The following NLN variants were observed in gnomAD, a reference collection of about 807,000 sequenced individuals.
The protein encoded by NLN is neurolysin, mitochondrial.
A neutral mutation model predicts 79.9 loss-of-function variants in NLN; 64 were observed. The observed-to-expected ratio is 0.80, with a 90% CI of 0.65 to 0.99. NLN has a LOEUF of 0.99. Among genes scored for constraint, NLN ranks in the 50% least tolerant of loss-of-function variants. The probability of loss-of-function intolerance (pLI) is 0.00; values close to 1 mark genes in which losing one functional copy is unlikely to be tolerated. For synonymous variants in NLN, 267 were observed against 296.6 expected (o/e 0.90, Z 1.02); for missense variants, 835 against 858.7 (o/e 0.97, Z 0.34).
At chr5:65,751,845 A>G (rs1360789284) in intron 1 of NLN, among the ~76,000 whole-genome samples, 1 of 152,158 alleles carries the variant, frequency 6.6e-6, no homozygotes, top group Non-Finnish European at 1.5e-5. Flanking sequence ...TATTATTATG[A>G]TGATGATGAT....
intron 1 of NLN, among the ~76,000 whole-genome samples, chr5:65,729,208 G>A (rs1242331346): frequency 2.0e-5 from 3 of 152,042 alleles, no homozygotes; most frequent in African/African-American, 7.2e-5. Flanking sequence ...ATAAAATTGA[G>A]ATTATTCCTC....
intron 12 of NLN, among the ~76,000 whole-genome samples, chr5:65,813,088 T>C (rs1295906595): frequency 6.6e-6 from 1 of 152,216 alleles, no homozygotes; most frequent in East Asian, 1.9e-4. Flanking sequence ...AAAATCAGGC[T>C]CTCTGTACTG....
rs1758662291 is a variant in NLN at position 65,733,643 on chromosome 5, T to C, written c.41+11229T>C. 5.4e-6 allele frequency: 8 copies of C among 1,481,428 alleles called. No individual in the cohort carries two copies. The Admixed American group carries it at 1.4e-4, about 26-fold the overall frequency. 91.8% of individuals were successfully genotyped at this position (1,481,428 alleles called of 1,614,324 possible). ...GGCCATCTGAGAAAGTGGACCTCCA[T>C]CTTTGCTCTTAGGGAAGGCCTGATT... is the stretch of plus-strand genomic sequence containing the variant. On this transcript the variant is annotated intron_variant, in intron 1 of 12. Transcript: ENST00000380985.
chr5:65,739,966 T>G (rs1402853824), intron 1 of NLN, among the ~76,000 whole-genome samples: 5 of 152,198 alleles, frequency 3.3e-5, no homozygotes, highest in Admixed American at 2.6e-4. Flanking sequence ...TTCATTCTGT[T>G]TATTGTTTCC....
intron 4 of NLN, 26 bp downstream of exon 4, chr5:65,777,560 C>T (rs1055330018): frequency 7.5e-6 from 10 of 1,337,158 alleles, no homozygotes; most frequent in Non-Finnish European, 1.1e-5. Flanking sequence ...CTTTTCTTAT[C>T]AGAAAAAAAA....
At chr5:65,737,182 C>T (rs1283305057) in intron 1 of NLN, among the ~76,000 whole-genome samples, 1 of 152,150 alleles carries the variant, frequency 6.6e-6, no homozygotes, top group East Asian at 1.9e-4. Flanking sequence ...AGCCACTGAG[C>T]TAAACTCTAA....
intron 6 of NLN, among the ~76,000 whole-genome samples, chr5:65,784,539 A>G (rs1020603466): frequency 6.6e-6 from 1 of 152,184 alleles, no homozygotes; most frequent in Admixed American, 6.5e-5. Context: ...ATATCCTCAC[A>G]TGGCAGAAGG....
At chr5:65,739,246 A>G (rs1758821054) in intron 1 of NLN, among the ~76,000 whole-genome samples, 3 of 151,642 alleles carry the variant, frequency 2.0e-5, no homozygotes, top group South Asian at 4.2e-4. Context: ...ACTTTTTTAC[A>G]TTCCACATAT....
chr5:65,796,217 C>T (rs1458910025), intron 9 of NLN, among the ~76,000 whole-genome samples: 4 of 152,072 alleles, frequency 2.6e-5, no homozygotes, highest in South Asian at 2.1e-4. Flanking sequence ...TTTCAGTGCT[C>T]TTGATGCATG....
intron 3 of NLN, among the ~76,000 whole-genome samples, chr5:65,772,386 A>G (rs1257982208): frequency 6.6e-6 from 1 of 152,222 alleles, no homozygotes; most frequent in Non-Finnish European, 1.5e-5. Flanking sequence ...ATGTATCTTC[A>G]TGCAGTGTGA....
At chr5:65,744,534 T>TA (rs944195728) in intron 1 of NLN, among the ~76,000 whole-genome samples, 5 of 151,508 alleles carry the variant, frequency 3.3e-5, no homozygotes, top group African/African-American at 1.2e-4. Context: ...TAGATGATAG[T>TA]AACAAGTCAA....
At chr5:65,790,133 G>A (rs1760023107) in intron 8 of NLN, among the ~76,000 whole-genome samples, 1 of 152,100 alleles carries the variant, frequency 6.6e-6, no homozygotes, top group Non-Finnish European at 1.5e-5. Flanking sequence ...TTCTCCCCAG[G>A]CTACTTTCTA....
intron 3 of NLN, among the ~76,000 whole-genome samples, chr5:65,776,631 CA>C (rs527808203): frequency 4.9e-4 from 74 of 152,326 alleles, no homozygotes; most frequent in African/African-American, 1.4e-3. Context: ...ACTAACTACC[CA>C]GCCATCCAGA....
At chr5:65,821,130 G>A (rs1760788110) in intron 12 of NLN, among the ~76,000 whole-genome samples, 1 of 152,018 alleles carries the variant, frequency 6.6e-6, no homozygotes, top group Non-Finnish European at 1.5e-5. Context: ...AGGGAAGGGA[G>A]CTAATTGAAT....
rs144062672 is a variant in NLN at position 65,791,421 on chromosome 5, G to C, written c.1326-1033G>C. Among the ~76,000 whole-genome samples the C allele has an allele frequency of 4.7e-3, 712 of 152,248 alleles. 9 individuals are homozygous for C. The highest frequency in any genetic ancestry group is 0.016 in the African/African-American group (674 of 41,520). ...AAAAATACAAAAATTAGCTGGGTGT[G>C]GTGGCAGGCACTTGTAGTCCCAGCT... On this transcript the variant is annotated intron_variant, in intron 8 of 12. Transcript: ENST00000380985.
chr5:65,795,485 G>A (rs923286089), intron 9 of NLN, among the ~76,000 whole-genome samples: 1 of 152,140 alleles, frequency 6.6e-6, no homozygotes, highest in African/African-American at 2.4e-5. Flanking sequence ...GCAGGAGTTC[G>A]AGACTAGCCT....
intron 3 of NLN, among the ~76,000 whole-genome samples, chr5:65,764,162 C>T (rs995885877): frequency 9.9e-5 from 15 of 152,014 alleles, no homozygotes; most frequent in Non-Finnish European, 1.9e-4. Flanking sequence ...TTTCCAGTTT[C>T]CTTTGATTAA....
At chr5:65,803,313 C>A (rs995619925) in intron 9 of NLN, among the ~76,000 whole-genome samples, 6 of 152,204 alleles carry the variant, frequency 3.9e-5, no homozygotes, top group Non-Finnish European at 7.4e-5. Context: ...CACCTGCAGG[C>A]CAGTGCCAAG....
chr5:65,769,582 T>C (rs252627), intron 3 of NLN, among the ~76,000 whole-genome samples: 85,489 of 152,026 alleles, frequency 0.56, 24,369 homozygotes, highest in South Asian at 0.6. Context: ...AATTTGTTGA[T>C]TAAATGGATG....
Sources: allele counts gnomAD v4.1 joint callset (sites outside exome capture counted in the v4.1 genomes callset), GRCh38; gene constraint gnomAD v4.1.1; transcripts MANE v1.5; gene names NCBI Gene and HGNC (gene_info 2026-07-23, HGNC 2026-07-21).